Variants in USP31 observed in about 807,000 individuals in gnomAD.
USP31 encodes ubiquitin carboxyl-terminal hydrolase 31.
In USP31, 44 loss-of-function variants were observed where a neutral mutation model predicts 119.4. That is an observed-to-expected ratio of 0.37 (90% CI 0.29 to 0.47). USP31 has a LOEUF of 0.47. USP31 is among the 20% of genes least tolerant of loss of function. USP31 has a pLI of 0.99. For missense variants in USP31, 1,643 were observed against 1,730.2 expected (o/e 0.95, Z 0.89); for synonymous variants, 749 against 705.6 (o/e 1.06, Z -0.97).
In USP31 at chr16:23,068,980, C is replaced by G. The variant is rs1182372073; in HGVS notation, c.3125G>C (p.Gly1042Ala). ...TSEPEKSLRK[G>A]RPALASQESS... ...CTCCTGGCTTGCCAAGGCTGGTCTC[C>G]CCTTCCGCAAGCTTTTCTCTGGCTC... is the stretch of plus-strand genomic sequence containing the variant. Residue 1042 changes from glycine (G) to alanine (A), a missense_variant, in exon 16 of 16, where the codon GGG becomes GCG. Physicochemically the swap from Gly to Ala is moderately conservative, Grantham distance 60. This residue lies in a region of USP31 where 699 missense variants were observed against 650.9 expected (regional missense o/e 1.07). Transcript: ENST00000219689. 1 of 1,614,028 alleles carries G rather than the reference C, an allele frequency of 6.2e-7. No individual in the cohort carries two copies. Among genetic ancestry groups the G allele is most frequent in the Non-Finnish European group, 8.5e-7 (1 of 1,180,034 alleles).
chr16:23,072,651 T>C, intron 14 of USP31: 1 of 416,290 alleles, frequency 2.4e-6, no homozygotes, highest in Non-Finnish European at 4.2e-6. Flanking sequence ...AGGAAATTTG[T>C]CACCATTTTC....
chr16:23,085,355 C>T (rs2141845975), intron 10 of USP31, among the ~76,000 whole-genome samples: 1 of 152,224 alleles, frequency 6.6e-6, no homozygotes, highest in Non-Finnish European at 1.5e-5. Context: ...AATGAGTATA[C>T]AGCTTCTCTT....
chr16:23,146,836 T>C lies in USP31; in HGVS notation c.633+1802A>G, dbSNP rs1903523409. Among the ~76,000 whole-genome samples, 5 of 152,122 alleles carry C rather than the reference T, an allele frequency of 3.3e-5. No individual in the cohort carries two copies. In the South Asian group the frequency reaches 1.0e-3, roughly 31 times the overall value. ...TAAATGTTGTTATAAAGAAGCTTTA[T>C]AGCACCAATGGGAAACCAGTACCTT... On this transcript the variant is annotated intron_variant, in intron 1 of 15. Coordinates refer to ENST00000219689, the MANE Select transcript of USP31 (RefSeq NM_020718.4).
intron 1 of USP31, among the ~76,000 whole-genome samples, chr16:23,137,211 T>TCAAA (rs1167647612): frequency 2.0e-5 from 3 of 151,902 alleles, no homozygotes; most frequent in East Asian, 3.9e-4. Flanking sequence ...AGACCCTGTC[T>TCAAA]CAAACAAACA....
At chr16:23,099,374 G>A (rs1901752181) in intron 6 of USP31, among the ~76,000 whole-genome samples, 2 of 152,156 alleles carry the variant, frequency 1.3e-5, no homozygotes, top group Non-Finnish European at 2.9e-5. Flanking sequence ...GTTGGTGGGA[G>A]TGTAAATTAG....
intron 13 of USP31, chr16:23,079,635 T>C: frequency 4.1e-6 from 1 of 241,266 alleles, no homozygotes; most frequent in Non-Finnish European, 7.9e-6. Flanking sequence ...GAACTCTATC[T>C]AGCAAAACCG....
chr16:23,101,361 C>CT (rs1182976256), intron 6 of USP31, among the ~76,000 whole-genome samples: 1 of 152,032 alleles, frequency 6.6e-6, no homozygotes, highest in African/African-American at 2.4e-5. Context: ...AGCAACCAAT[C>CT]TAAGAAAGAA....
intron 1 of USP31, among the ~76,000 whole-genome samples, chr16:23,140,682 A>T (rs945070322): frequency 6.6e-6 from 1 of 152,116 alleles, no homozygotes; most frequent in African/African-American, 2.4e-5. Context: ...TTATCTTCTG[A>T]GTTCCTTACC....
chr16:23,068,965 G>A lies in USP31; in HGVS notation c.3140C>T (p.Ala1047Val), dbSNP rs1178047576. 6 of 1,614,078 alleles carry A rather than the reference G, an allele frequency of 3.7e-6. No homozygotes were observed. The African/African-American group carries it at 5.3e-5, about 14-fold the overall frequency. Reference sequence around the variant, plus strand: ...ACTTGAAAGGGATGACTCCTGGCTTGCCAAGGCTGGTCTCCCCTTCCGCAA... The same window carrying A: ...ACTTGAAAGGGATGACTCCTGGCTTACCAAGGCTGGTCTCCCCTTCCGCAA... ...KSLRKGRPAL[A>V]SQESSLSSTS... Residue 1047 changes from alanine (A) to valine (V), a missense_variant, in exon 16 of 16, where the codon GCA becomes GTA. By Grantham distance (64) the Ala-to-Val change is moderately conservative (BLOSUM62 0). Coordinates refer to ENST00000219689, the MANE Select transcript of USP31 (RefSeq NM_020718.4).
chr16:23,139,351 G>A (rs371955933), intron 1 of USP31, among the ~76,000 whole-genome samples: 17 of 152,256 alleles, frequency 1.1e-4, no homozygotes, highest in African/African-American at 2.6e-4. Context: ...GCAGTGAGCC[G>A]AGATCACGCT....
At chr16:23,148,528 C>G in intron 1 of USP31, 110 bp downstream of exon 1, 4 of 1,342,424 alleles carry the variant, frequency 3.0e-6, no homozygotes, top group Non-Finnish European at 3.8e-6. Flanking sequence ...CTCGGAGCAA[C>G]CAATGCAGAA....
intron 8 of USP31, 66 bp downstream of exon 8, chr16:23,087,658 T>C (rs1036570815): frequency 2.9e-6 from 4 of 1,401,754 alleles, no homozygotes; most frequent in African/African-American, 1.4e-5. Flanking sequence ...CAAATTTCAT[T>C]GTAATGTTTG....
At position 23,148,628 on chromosome 16, in the gene USP31, G is replaced by A. The variant is rs777479007; in HGVS notation, c.633+10C>T. ...GGGTGCAGTGGGGGCGCGGCGGCGC[G>A]CGGGCTCACCTTGAAGTCGCGGCTG... On this transcript the variant is annotated intron_variant, in intron 1 of 15. Transcript: ENST00000219689. 6.8e-6 allele frequency: 10 copies of A among 1,461,552 alleles called. No homozygotes were observed. The South Asian group carries it at 1.2e-4, about 18-fold the overall frequency. 90.5% of individuals were successfully genotyped at this position (1,461,552 alleles called of 1,614,324 possible).
At chr16:23,106,152 T>C (rs893652459) in intron 4 of USP31, 61 bp downstream of exon 4, 2 of 1,584,806 alleles carry the variant, frequency 1.3e-6, no homozygotes, top group Non-Finnish European at 8.7e-7. Flanking sequence ...AATAGGAGCC[T>C]ACAGAGGCAA....
chr16:23,149,047 A>G lies in USP31; in HGVS notation c.224T>C (p.Leu75Pro). Reference protein sequence around the residue: ...MSRVLKTLSTLSHLSSEGAAP... With the variant: ...MSRVLKTLSTPSHLSSEGAAP... ...GGCGCCCTCAGAGCTAAGGTGCGAG[A>G]GCGTGGACAGCGTCTTGAGAACGCG... is the stretch of plus-strand genomic sequence containing the variant. Residue 75 changes from leucine (L) to proline (P), a missense_variant, in exon 1 of 16, where the codon CTC becomes CCC. Coordinates refer to ENST00000219689, the MANE Select transcript of USP31 (RefSeq NM_020718.4). 2 of 1,247,052 alleles carry G rather than the reference A, an allele frequency of 1.6e-6. No individual in the cohort carries two copies. The highest frequency in any genetic ancestry group is 2.1e-6 in the Non-Finnish European group (2 of 970,168). The allele number at this position is 1,247,052 out of a possible 1,614,324, so 77.2% of individuals were successfully genotyped here. A position where few individuals can be genotyped will look rare whatever the true frequency, so the allele number is the denominator to read the frequency against.
intron 1 of USP31, among the ~76,000 whole-genome samples, chr16:23,113,875 C>T (rs1902401114): frequency 2.0e-5 from 3 of 152,164 alleles, no homozygotes; most frequent in South Asian, 4.2e-4. Context: ...GAGGCTGAGG[C>T]GGGTGGATGA....
In USP31 at chr16:23,096,348, G is replaced by C. The variant is rs541498182; in HGVS notation, c.1235-5544C>G. ...AGGAGCACCCAGATTCATAAAGCAA[G>C]TCCTTAGAGACCTACAAAGAGACTT... On this transcript the variant is annotated intron_variant, in intron 6 of 15. Transcript: ENST00000219689. Among the ~76,000 whole-genome samples, 14 of 152,250 alleles carry C rather than the reference G, an allele frequency of 9.2e-5. No homozygotes were observed. The East Asian group carries it at 2.7e-3, about 29-fold the overall frequency.
rs17740615 is a variant in USP31 at position 23,106,385 on chromosome 16, C to T, written c.860+14G>A. The T allele has an allele frequency of 0.31, 499,677 of 1,612,488 alleles. 79,041 individuals are homozygous for T. Among genetic ancestry groups the T allele is most frequent in the Admixed American group, 0.42 (25,151 of 59,830 alleles). On this transcript the variant is annotated intron_variant, in intron 3 of 15. Transcript: ENST00000219689. ...GGTAAACAAAATAAGTGGAAACATC[C>T]GATTTTCTCATACCTGTATTGCGCT...
chr16:23,128,007 T>C (rs546282135), intron 1 of USP31, among the ~76,000 whole-genome samples: 1 of 152,044 alleles, frequency 6.6e-6, no homozygotes, highest in East Asian at 1.9e-4. Flanking sequence ...ATAAGGCAAA[T>C]GAGAATTTAC....
Sources: allele counts gnomAD v4.1 joint callset (sites outside exome capture counted in the v4.1 genomes callset), GRCh38; gene constraint gnomAD v4.1.1; regional missense constraint gnomAD v4.1.1; transcripts MANE v1.5; gene names NCBI Gene and HGNC (gene_info 2026-07-23, HGNC 2026-07-21).